The following PPP1R37 variants were observed in gnomAD, a reference collection of about 807,000 sequenced individuals.
PPP1R37 encodes protein phosphatase 1 regulatory subunit 37, also known as leucine rich repeat containing 68.
In PPP1R37, 21 loss-of-function variants were observed where a neutral mutation model predicts 61.0. That is an observed-to-expected ratio of 0.34 (90% confidence interval 0.24 to 0.50). The LOEUF (loss-of-function observed/expected upper bound fraction) is 0.50. PPP1R37 is among the 20% of genes least tolerant of loss of function. The probability of loss-of-function intolerance (pLI) is 0.98; values close to 1 mark genes in which losing one functional copy is unlikely to be tolerated. For synonymous variants in PPP1R37, 443 were observed against 433.5 expected, an observed-to-expected ratio of 1.02 and a Z score of -0.27; for missense variants, 910 against 952.7, an observed-to-expected ratio of 0.96 and a Z score of 0.59.
chr19:45,098,699 C>T (rs1968024680), intron 1 of PPP1R37, among the ~76,000 whole-genome samples: 1 of 152,262 alleles, frequency 6.6e-6, no homozygotes, highest in Non-Finnish European at 1.5e-5. Context: ...ATACTGTTGG[C>T]TATTGAAACC....
intron 10 of PPP1R37, 35 bp from the exon 11 acceptor site, chr19:45,145,318 G>C: frequency 6.6e-7 from 1 of 1,523,274 alleles, no homozygotes; most frequent in Non-Finnish European, 8.8e-7. Context: ...TGGTGGGGCC[G>C]GCCTGAGAGC....
chr19:45,145,812 T>TCCCCCCCCCCCCCCCCCC lies in PPP1R37; in HGVS notation c.1761_1762insCCCCCCCCCCCCCCCCCC (p.Pro587_Thr588insProProProProProPro). On this transcript the variant is annotated inframe_insertion, in exon 11 of 13. Coordinates refer to ENST00000221462, the MANE Select transcript of PPP1R37 (RefSeq NM_019121.2). ...GCCCGAGAGGGCAGAGCCCCCTGCG[T>TCCCCCCCCCCCCCCCCCC]CCCCCACCCCTCCCTCTCCCCCACC... 1.1e-5 allele frequency: 13 copies of TCCCCCCCCCCCCCCCCCC among 1,227,570 alleles called. No individual in the cohort carries two copies. Among genetic ancestry groups the TCCCCCCCCCCCCCCCCCC allele is most frequent in the South Asian group, 6.2e-5 (4 of 64,832 alleles). 76.0% of individuals were successfully genotyped at this position (1,227,570 alleles called of 1,614,324 possible).
At chr19:45,101,921 C>T (rs1968068916) in intron 1 of PPP1R37, among the ~76,000 whole-genome samples, 1 of 152,222 alleles carries the variant, frequency 6.6e-6, no homozygotes, top group Non-Finnish European at 1.5e-5. Context: ...TGAGTCCTCC[C>T]CTCCACCAGC....
chr19:45,131,848 C>T (rs1247242356), intron 1 of PPP1R37, among the ~76,000 whole-genome samples: 1 of 151,870 alleles, frequency 6.6e-6, no homozygotes, highest in Admixed American at 6.5e-5. Flanking sequence ...CTCCTGCTGA[C>T]TAAGCCACAC....
intron 1 of PPP1R37, among the ~76,000 whole-genome samples, chr19:45,111,092 GC>G (rs1306713962): frequency 6.6e-6 from 1 of 152,062 alleles, no homozygotes; most frequent in Non-Finnish European, 1.5e-5. Context: ...GCACCTCGGT[GC>G]CCCCAGCTCT....
intron 1 of PPP1R37, among the ~76,000 whole-genome samples, chr19:45,110,756 C>A (rs1395942297): frequency 2.0e-5 from 3 of 152,140 alleles, no homozygotes; most frequent in African/African-American, 7.2e-5. Flanking sequence ...TGAGGGTGGG[C>A]AGTAAGAAAT....
chr19:45,133,015 G>C (rs1968497505), intron 1 of PPP1R37, among the ~76,000 whole-genome samples: 1 of 152,190 alleles, frequency 6.6e-6, no homozygotes, highest in African/African-American at 2.4e-5. Context: ...ACATTGCTTT[G>C]CTCAAGAGTT....
rs1968676837 is a variant in PPP1R37, at chr19:45,145,401, A to G, written c.1345A>G (p.Asn449Asp). 1 of 1,535,366 alleles carries G rather than the reference A, an allele frequency of 6.5e-7. No individual in the cohort carries two copies. Residue 449 changes from asparagine to aspartate, a missense_variant, in exon 11 of 13, where the codon AAC becomes GAC. Asn to Asp is a conservative substitution (Grantham distance 23). Around this residue, in one of 3 missense-constraint regions of PPP1R37, gnomAD observed 549 missense variants for 505.1 expected, o/e 1.09. Transcript: ENST00000221462. ...TQKALLAEIQ[N>D]GCKRNLVLAR... ...GAAGGCGCTGCTGGCCGAGATCCAG[A>G]ACGGCTGCAAGCGCAACTTGGTGCT... is the stretch of plus-strand genomic sequence containing the variant.
chr19:45,123,985 C>T (rs1247130068), intron 1 of PPP1R37, among the ~76,000 whole-genome samples: 1 of 152,182 alleles, frequency 6.6e-6, no homozygotes, highest in Non-Finnish European at 1.5e-5. Context: ...TCCGCTCACT[C>T]ACCTTCTCTG....
intron 1 of PPP1R37, chr19:45,129,060 G>A: frequency 1.4e-6 from 1 of 710,448 alleles, no homozygotes; most frequent in Non-Finnish European, 2.5e-6. Flanking sequence ...AGTGGTGGCA[G>A]CAGTGATCTT....
chr19:45,098,161 C>T (rs563490683), intron 1 of PPP1R37, among the ~76,000 whole-genome samples: 35 of 152,250 alleles, frequency 2.3e-4, no homozygotes, highest in African/African-American at 7.7e-4. Context: ...GGCTGGGAAT[C>T]GTGAGTGAAA....
intron 1 of PPP1R37, among the ~76,000 whole-genome samples, chr19:45,101,255 C>G (rs1207134605): frequency 2.0e-5 from 3 of 152,098 alleles, no homozygotes; most frequent in African/African-American, 7.2e-5. Context: ...GAGGAGTGCA[C>G]CAGGGGTGGA....
rs1967943396 is a variant in PPP1R37 at position 45,093,208 on chromosome 19, G to C, written c.-118G>C. ...ACTACGACCACTAGGAGAGCGGACG[G>C]AGGCGGCGCCTGAAGCGGCGGCGGA... On this transcript the variant is annotated 5_prime_UTR_variant, in exon 1 of 13. Coordinates refer to ENST00000221462, the MANE Select transcript of PPP1R37 (RefSeq NM_019121.2). 4.8e-6 allele frequency: 4 copies of C among 833,282 alleles called. No homozygotes were observed. Among genetic ancestry groups the C allele is most frequent in the Non-Finnish European group, 6.7e-6 (4 of 600,720 alleles). 51.6% of individuals were successfully genotyped at this position (833,282 alleles called of 1,614,324 possible). A position where few individuals can be genotyped will look rare whatever the true frequency, so the allele number is the denominator to read the frequency against.
intron 1 of PPP1R37, among the ~76,000 whole-genome samples, chr19:45,104,790 C>T (rs1789178143): frequency 6.6e-6 from 1 of 152,142 alleles, no homozygotes; most frequent in South Asian, 2.1e-4. Context: ...CCTTGCCATG[C>T]TCTTGCTGGG....
chr19:45,110,526 C>T (rs149163280), intron 1 of PPP1R37, among the ~76,000 whole-genome samples: 140 of 152,206 alleles, frequency 9.2e-4, no homozygotes, highest in Middle Eastern at 6.8e-3. Context: ...TGTGTTTTCC[C>T]CTATAATATG....
chr19:45,142,222 A>G lies in PPP1R37; in HGVS notation c.718+11A>G. 6.5e-7 allele frequency: 1 copy of G among 1,533,240 alleles called. No individual in the cohort carries two copies. Among genetic ancestry groups the G allele is most frequent in the Non-Finnish European group, 8.7e-7 (1 of 1,145,082 alleles). 95.0% of individuals were successfully genotyped at this position (1,533,240 alleles called of 1,614,324 possible). A position where few individuals can be genotyped will look rare whatever the true frequency, so the allele number is the denominator to read the frequency against. On this transcript the variant is annotated intron_variant, in intron 6 of 12. Transcript: ENST00000221462. Reference sequence around the variant, plus strand: ...CCCTCATGCTGCTCGGTGAGCCCCAAGCCCGGGAGGGTGAGCAGGATGTGC... The same window carrying G: ...CCCTCATGCTGCTCGGTGAGCCCCAGGCCCGGGAGGGTGAGCAGGATGTGC...
At position 45,140,233 on chromosome 19, in the gene PPP1R37, C is replaced by T. The variant is rs1568449896; in HGVS notation, c.301-3C>T. On this transcript the variant is annotated splice_region_variant and splice_polypyrimidine_tract_variant and intron_variant, in intron 2 of 12. Transcript: ENST00000221462. ...CTGCCTTAACCCCACTCTACTTTCT[C>T]AGGAATTCACAGACCTCGGGCACCG... 1.3e-6 allele frequency: 2 copies of T among 1,536,018 alleles called. No homozygotes were observed. The highest frequency in any genetic ancestry group is 2.4e-5 in the East Asian group (1 of 40,918).
intron 1 of PPP1R37, among the ~76,000 whole-genome samples, chr19:45,127,974 C>CA (rs35001139): frequency 0.029 from 1,807 of 61,312 alleles, 27 homozygotes; most frequent in African/African-American, 0.048. Flanking sequence ...GACTCCATCT[C>CA]AAAAAAAAAA....
At chr19:45,097,768 G>A (rs1020390285) in intron 1 of PPP1R37, among the ~76,000 whole-genome samples, 6 of 151,992 alleles carry the variant, frequency 3.9e-5, no homozygotes, top group Non-Finnish European at 8.8e-5. Flanking sequence ...TCTCTCCCGC[G>A]CTGGAATGGG....
Sources: allele counts gnomAD v4.1 joint callset (sites outside exome capture counted in the v4.1 genomes callset), GRCh38; gene constraint gnomAD v4.1.1; regional missense constraint gnomAD v4.1.1; transcripts MANE v1.5; gene names NCBI Gene and HGNC (gene_info 2026-07-23, HGNC 2026-07-21).